PHACTR1: variants seen among roughly 807,000 people sequenced by gnomAD.
The protein encoded by PHACTR1 is phosphatase and actin regulator 1.
A neutral mutation model predicts 69.2 loss-of-function variants in PHACTR1; 16 were observed. That is an observed-to-expected ratio of 0.23 (90% CI 0.16 to 0.35). PHACTR1 has a LOEUF of 0.35. Ranked by LOEUF, PHACTR1 falls within the 10% of genes least tolerant of loss-of-function variation. PHACTR1 has a pLI of 1.00. For missense variants in PHACTR1, 510 were observed against 734.7 expected (o/e 0.69, Z 3.54); for synonymous variants, 312 against 284.5 (o/e 1.10, Z -0.97).
chr6:12,985,215 A>G (rs1795996011), intron 4 of PHACTR1, among the ~76,000 whole-genome samples: 1 of 152,134 alleles, frequency 6.6e-6, no homozygotes, highest in Non-Finnish European at 1.5e-5. Context: ...CCTCATCTCC[A>G]TAAATTATCT....
chr6:13,223,523 T>C (rs978889376), intron 8 of PHACTR1, among the ~76,000 whole-genome samples: 1 of 152,208 alleles, frequency 6.6e-6, no homozygotes, highest in Non-Finnish European at 1.5e-5. Flanking sequence ...TGCCCATTTT[T>C]TACACACGTT....
At chr6:13,128,253 C>G (rs1456645044) in intron 5 of PHACTR1, among the ~76,000 whole-genome samples, 1 of 123,444 alleles carries the variant, frequency 8.1e-6, no homozygotes, top group Non-Finnish European at 1.7e-5. Context: ...CTGTAATACC[C>G]CCGATCATAC....
chr6:13,074,839 AGGACTTTAAGATACACAGTTAATG>A (rs1810165170), intron 5 of PHACTR1, among the ~76,000 whole-genome samples: 1 of 152,216 alleles, frequency 6.6e-6, no homozygotes, highest in Non-Finnish European at 1.5e-5. Flanking sequence ...AGATACGGAG[AGGACTTTAAGATACACAGTTAATG>A]GGAAAAAGCA....
At chr6:12,891,040 T>C (rs533935683) in intron 4 of PHACTR1, among the ~76,000 whole-genome samples, 58 of 152,318 alleles carry the variant, frequency 3.8e-4, no homozygotes, top group African/African-American at 1.3e-3. Flanking sequence ...CCTTGAAATA[T>C]AAACTTGTAA....
At chr6:13,212,823 C>T (rs778316445) in intron 8 of PHACTR1, among the ~76,000 whole-genome samples, 2 of 152,216 alleles carry the variant, frequency 1.3e-5, no homozygotes, top group Admixed American at 6.5e-5. Flanking sequence ...CTCCTACACT[C>T]ACCTGCCTCG....
intron 12 of PHACTR1, among the ~76,000 whole-genome samples, chr6:13,281,926 G>A (rs1249985918): frequency 6.6e-6 from 1 of 152,262 alleles, no homozygotes; most frequent in Non-Finnish European, 1.5e-5. Context: ...AGAGGCGGCT[G>A]AGCCCCTGAT....
At chr6:13,116,264 T>C (rs1052720873) in intron 5 of PHACTR1, among the ~76,000 whole-genome samples, 3 of 152,240 alleles carry the variant, frequency 2.0e-5, no homozygotes, top group African/African-American at 7.2e-5. Context: ...CATGGTGTGA[T>C]GTCCCACAGC....
At chr6:12,913,683 C>T (rs1432456504) in intron 4 of PHACTR1, among the ~76,000 whole-genome samples, 1 of 152,152 alleles carries the variant, frequency 6.6e-6, no homozygotes, top group Non-Finnish European at 1.5e-5. Context: ...GCCTCAAATC[C>T]TGAGAGGTCT....
intron 11 of PHACTR1, chr6:13,276,208 G>A (rs1371794990): frequency 1.3e-5 from 2 of 152,108 alleles, no homozygotes; most frequent in Non-Finnish European, 2.9e-5. Context: ...TTCAGGCACT[G>A]TAGGGTAGGC....
At chr6:13,231,061 AAG>A (rs1770874024) in intron 10 of PHACTR1, among the ~76,000 whole-genome samples, 1 of 1,400 alleles carries the variant, frequency 7.1e-4, no homozygotes, top group South Asian at 0.05. Context: ...GGAAGGAAGG[AAG>A]GAAGGAAGGA....
intron 4 of PHACTR1, among the ~76,000 whole-genome samples, chr6:13,021,020 C>T (rs1310662878): frequency 7.2e-5 from 11 of 152,122 alleles, no homozygotes; most frequent in Non-Finnish European, 1.0e-4. Context: ...ATATAATTCA[C>T]GCACCACAGA....
At chr6:12,873,784 G>A (rs77850825) in intron 4 of PHACTR1, among the ~76,000 whole-genome samples, 3,605 of 149,406 alleles carry the variant, frequency 0.024, 141 homozygotes, top group African/African-American at 0.083. Context: ...GGATGTAAGG[G>A]AGAGGACTTG....
intron 4 of PHACTR1, among the ~76,000 whole-genome samples, chr6:12,755,636 C>T (rs1271632053): frequency 6.6e-6 from 1 of 151,834 alleles, no homozygotes; most frequent in African/African-American, 2.4e-5. Flanking sequence ...TTTGAATATT[C>T]AGGGATTATT....
At chr6:13,263,752 T>G (rs1776242743) in intron 10 of PHACTR1, among the ~76,000 whole-genome samples, 1 of 152,242 alleles carries the variant, frequency 6.6e-6, no homozygotes. Context: ...TTAAATCTAC[T>G]GGCAAGGTGG....
intron 4 of PHACTR1, among the ~76,000 whole-genome samples, chr6:13,043,129 T>A (rs1429077230): frequency 6.6e-6 from 1 of 152,168 alleles, no homozygotes; most frequent in East Asian, 1.9e-4. Flanking sequence ...GCCTCTGCCA[T>A]TAAAGTGGCT....
At chr6:12,952,942 G>A (rs1791462925) in intron 4 of PHACTR1, among the ~76,000 whole-genome samples, 1 of 152,176 alleles carries the variant, frequency 6.6e-6, no homozygotes. Context: ...GCCAAAAATA[G>A]TGCCAAAAAT....
At chr6:12,780,638 A>T (rs1327434273) in intron 4 of PHACTR1, among the ~76,000 whole-genome samples, 1 of 152,152 alleles carries the variant, frequency 6.6e-6, no homozygotes, top group Non-Finnish European at 1.5e-5. Flanking sequence ...ACCAACTCTG[A>T]GCGTAAACAG....
At chr6:12,723,846 A>C (rs1762447463) in intron 3 of PHACTR1, among the ~76,000 whole-genome samples, 1 of 152,214 alleles carries the variant, frequency 6.6e-6, no homozygotes, top group African/African-American at 2.4e-5. Flanking sequence ...GATAAGCCCC[A>C]CACACGGTAA....
chr6:12,894,491 C>T (rs1023439312), intron 4 of PHACTR1, among the ~76,000 whole-genome samples: 4 of 152,274 alleles, frequency 2.6e-5, no homozygotes, highest in African/African-American at 9.6e-5. Context: ...TATAATCCCA[C>T]CTACTTGGGA....
Sources: gnomAD v4.1 joint callset for allele counts (sites outside exome capture counted in the v4.1 genomes callset) on GRCh38, gnomAD v4.1.1 for gene constraint, MANE v1.5 for transcripts, NCBI Gene and HGNC (gene_info 2026-07-23, HGNC 2026-07-21) for gene names.